The following DPF2 variants were observed in gnomAD, a reference collection of about 807,000 sequenced individuals.
DPF2 encodes zinc finger protein ubi-d4.
Under a neutral mutation model 59.6 loss-of-function variants are expected in DPF2, and 10 were observed. The ratio of observed to expected loss-of-function variants is 0.17; its 90% CI spans 0.10 to 0.28. The LOEUF (loss-of-function observed/expected upper bound fraction) is 0.28, where lower values mean the gene tolerates loss of function less well. DPF2 is among the 10% of genes least tolerant of loss of function. The pLI is 1.00. For missense variants in DPF2, 315 were observed against 509.4 expected (o/e 0.62, Z 3.67); for synonymous variants, 189 against 190.6 (o/e 0.99, Z 0.07).
intron 4 of DPF2, among the ~76,000 whole-genome samples, chr11:65,342,594 A>T (rs775243539): frequency 9.2e-5 from 14 of 152,218 alleles, no homozygotes; most frequent in Non-Finnish European, 2.1e-4. Flanking sequence ...TAAAAATAAC[A>T]GCTATAAATA....
chr11:65,347,863 G>C (rs1420272473), intron 9 of DPF2: 1 of 151,988 alleles, frequency 6.6e-6, no homozygotes, highest in Non-Finnish European at 1.5e-5. Context: ...GGCCAAGCTA[G>C]TTTTCAACTC....
rs182795369 is a variant in DPF2, at chr11:65,334,862, C to A, written c.32+944C>A. ...ATTGAGTGGTGTCTAGCTGTCCAGT[C>A]AGGGTTTTTGCATTTTGACTGGATG... On this transcript the variant is annotated intron_variant, in intron 1 of 10. Coordinates refer to ENST00000528416, the MANE Select transcript of DPF2 (RefSeq NM_006268.5). Among the ~76,000 whole-genome samples, 165 of 152,228 alleles carry A rather than the reference C, an allele frequency of 1.1e-3. 1 individual carries two copies. The highest frequency in any genetic ancestry group is 4.3e-4 in the Non-Finnish European group (29 of 68,012).
At chr11:65,337,474 A>ATATAT (rs1443734766) in intron 1 of DPF2, among the ~76,000 whole-genome samples, 1 of 46,476 alleles carries the variant, frequency 2.2e-5, no homozygotes, top group African/African-American at 9.8e-5. Flanking sequence ...AAAAAAAAAA[A>ATATAT]ATATATATAT....
chr11:65,345,862 C>T, intron 7 of DPF2, 59 bp downstream of exon 7: 2 of 1,613,436 alleles, frequency 1.2e-6, no homozygotes, highest in East Asian at 2.2e-5. Context: ...ATGAAAACCA[C>T]TCCTTGCATG....
At chr11:65,348,980 T>G in intron 10 of DPF2, 49 bp downstream of exon 10, 1 of 1,586,182 alleles carries the variant, frequency 6.3e-7, no homozygotes, top group South Asian at 1.1e-5. Flanking sequence ...ATTAGTTACT[T>G]GGAAAATACT....
intron 1 of DPF2, among the ~76,000 whole-genome samples, chr11:65,335,773 C>G (rs1950086867): frequency 6.6e-6 from 1 of 151,990 alleles, no homozygotes; most frequent in Non-Finnish European, 1.5e-5. Context: ...TGATGTTATA[C>G]ATTGAGTACA....
chr11:65,340,600 T>G, intron 2 of DPF2, 55 bp downstream of exon 2: 1 of 1,601,766 alleles, frequency 6.2e-7, no homozygotes, highest in Non-Finnish European at 8.5e-7. Context: ...GGAAGAAGCC[T>G]CCTCATCTTA....
At chr11:65,338,943 C>G (rs143062296) in intron 1 of DPF2, among the ~76,000 whole-genome samples, 95 of 152,272 alleles carry the variant, frequency 6.2e-4, no homozygotes, top group African/African-American at 2.1e-3. Context: ...CCAACCTCCT[C>G]AATCTATAGA....
intron 2 of DPF2, 99 bp from the exon 3 acceptor site, chr11:65,340,867 C>A: frequency 8.1e-7 from 1 of 1,241,022 alleles, no homozygotes; most frequent in Non-Finnish European, 1.1e-6. Context: ...TTCTCCCTTG[C>A]TCTAGAACTC....
At chr11:65,350,966 G>A (rs886769594) in intron 10 of DPF2, among the ~76,000 whole-genome samples, 15 of 150,852 alleles carry the variant, frequency 9.9e-5, no homozygotes, top group African/African-American at 3.7e-4. Context: ...GCAACAGAGC[G>A]GAAACTCTTG....
intron 1 of DPF2, among the ~76,000 whole-genome samples, chr11:65,338,638 G>A (rs1272893238): frequency 2.0e-5 from 3 of 152,142 alleles, no homozygotes; most frequent in African/African-American, 4.8e-5. Context: ...GCTCTCCAAC[G>A]TGAGATTCGT....
Position 65,344,460 on chromosome 11 carries a change from C to T in DPF2, c.637+391C>T, listed in dbSNP as rs187960931. 19 of 959,874 alleles carry T rather than the reference C, an allele frequency of 2.0e-5. No homozygotes were observed. In the Admixed American group the frequency reaches 2.2e-4, roughly 11 times the overall value. The allele number at this position is 959,874 out of a possible 1,614,324, so 59.5% of individuals were successfully genotyped here. A position where few individuals can be genotyped will look rare whatever the true frequency, so the allele number is the denominator to read the frequency against. ...GCCTTGCCCCACTTCTGTCCCTCCA[C>T]CCTGGGAGCACCATCGCCGCTGGGG... On this transcript the variant is annotated intron_variant, in intron 6 of 10. Coordinates refer to ENST00000528416, the MANE Select transcript of DPF2 (RefSeq NM_006268.5).
intron 4 of DPF2, among the ~76,000 whole-genome samples, chr11:65,342,258 A>C (rs1399505743): frequency 6.6e-6 from 1 of 152,212 alleles, no homozygotes; most frequent in East Asian, 1.9e-4. Flanking sequence ...CAGTCTAGGC[A>C]ACATAGCAGG....
At chr11:65,339,242 T>TAAA (rs561028492) in intron 1 of DPF2, among the ~76,000 whole-genome samples, 14 of 138,288 alleles carry the variant, frequency 1.0e-4, no homozygotes, top group Non-Finnish European at 1.9e-4. Flanking sequence ...CCTTGTCTCT[T>TAAA]AAAAAAAAAA....
intron 1 of DPF2, among the ~76,000 whole-genome samples, chr11:65,337,502 T>TAGAGAGAGAGAG (rs1371740234): frequency 2.1e-4 from 7 of 33,106 alleles, no homozygotes; most frequent in Admixed American, 4.9e-4. Context: ...TATATATATA[T>TAGAGAGAGAGAG]ATAGAGAGAG....
chr11:65,347,301 A>G (rs1016592651), intron 9 of DPF2: 2 of 151,692 alleles, frequency 1.3e-5, no homozygotes, highest in African/African-American at 4.8e-5. Context: ...GGCGTGAGCC[A>G]CTGCACCCAG....
chr11:65,343,286 C>T (rs1398894741), intron 4 of DPF2, among the ~76,000 whole-genome samples: 6 of 126,054 alleles, frequency 4.8e-5, no homozygotes, highest in East Asian at 4.4e-4. Flanking sequence ...GCAACAAGAG[C>T]GAAACTCTGT....
intron 1 of DPF2, among the ~76,000 whole-genome samples, chr11:65,338,623 A>T (rs1056429052): frequency 6.6e-6 from 1 of 152,144 alleles, no homozygotes; most frequent in Non-Finnish European, 1.5e-5. Flanking sequence ...TGCCTTCTCC[A>T]TTCTGCTCTC....
intron 8 of DPF2, 51 bp downstream of exon 8, chr11:65,346,109 TG>T (rs767749748): frequency 1.5e-5 from 24 of 1,609,714 alleles, no homozygotes; most frequent in Non-Finnish European, 2.0e-5. Flanking sequence ...AAGGGGCTCT[TG>T]GCTTGCTGGC....
Sources: allele counts gnomAD v4.1 joint callset (sites outside exome capture counted in the v4.1 genomes callset), GRCh38; gene constraint gnomAD v4.1.1; transcripts MANE v1.5; gene names NCBI Gene and HGNC (gene_info 2026-07-23, HGNC 2026-07-21).